STAG1: variants seen among roughly 807,000 people sequenced by gnomAD.
STAG1 encodes STAG1 cohesin complex component, also known as cohesin subunit SA-1.
In STAG1, 26 loss-of-function variants were observed where a neutral mutation model predicts 170.9. The ratio of observed to expected loss-of-function variants is 0.15; its 90% CI spans 0.11 to 0.21. The LOEUF (loss-of-function observed/expected upper bound fraction) is 0.21. Among genes scored for constraint, STAG1 ranks in the 10% least tolerant of loss-of-function variants. The pLI is 1.00. For missense variants in STAG1, 964 were observed against 1,509.5 expected (o/e 0.64, Z 5.99); for synonymous variants, 514 against 497.7 (o/e 1.03, Z -0.44).
intron 12 of STAG1, among the ~76,000 whole-genome samples, chr3:136,469,550 C>T (rs1186427684): frequency 6.6e-6 from 1 of 152,180 alleles, no homozygotes; most frequent in Non-Finnish European, 1.5e-5. Context: ...GTGAAAATGG[C>T]CATACTGCCC....
chr3:136,633,709 AAGGG>A (rs1940424465), intron 1 of STAG1, among the ~76,000 whole-genome samples: 2 of 42,458 alleles, frequency 4.7e-5, no homozygotes, highest in Non-Finnish European at 9.5e-5. Flanking sequence ...ATCAAAAAAA[AAGGG>A]GGGGGGGGGG....
At chr3:136,396,442 C>T (rs894151259) in intron 22 of STAG1, among the ~76,000 whole-genome samples, 2 of 140,998 alleles carry the variant, frequency 1.4e-5, no homozygotes, top group Admixed American at 7.4e-5. Flanking sequence ...AGGATGGTCT[C>T]GATCTCCTGA....
rs961163396 is a variant in STAG1, at chr3:136,424,052, G to A, written c.1651-1008C>T. ...CTAATTTTTGTATTTTTGTAGAGATGGGGTTTCACCACGTTGACGAGGCTG... is the reference window on the plus strand; with the variant it reads ...CTAATTTTTGTATTTTTGTAGAGATAGGGTTTCACCACGTTGACGAGGCTG... On this transcript the variant is annotated intron_variant, in intron 16 of 33. Transcript: ENST00000383202. Among the ~76,000 whole-genome samples, 7 of 151,910 alleles carry A rather than the reference G, an allele frequency of 4.6e-5. No homozygotes were observed. In the South Asian group the frequency reaches 6.2e-4, roughly 14 times the overall value.
At chr3:136,459,968 C>A (rs1252427832) in intron 13 of STAG1, among the ~76,000 whole-genome samples, 1 of 151,720 alleles carries the variant, frequency 6.6e-6, no homozygotes, top group Admixed American at 6.6e-5. Flanking sequence ...CACACAAAAA[C>A]AACAACAACA....
At chr3:136,495,803 C>T (rs1034581946) in intron 9 of STAG1, among the ~76,000 whole-genome samples, 2 of 151,540 alleles carry the variant, frequency 1.3e-5, no homozygotes, top group Admixed American at 1.3e-4. Flanking sequence ...CCCATCTCTA[C>T]TAAAAATACA....
intron 1 of STAG1, among the ~76,000 whole-genome samples, chr3:136,738,302 C>A (rs2107947859): frequency 6.6e-6 from 1 of 151,890 alleles, no homozygotes; most frequent in South Asian, 2.1e-4. Context: ...ACCAGCCTGG[C>A]CAACATGGTG....
intron 28 of STAG1, among the ~76,000 whole-genome samples, chr3:136,353,853 C>T (rs1936527453): frequency 6.6e-6 from 1 of 152,206 alleles, no homozygotes; most frequent in Non-Finnish European, 1.5e-5. Context: ...TACATATTTA[C>T]TTATCCCTTC....
At chr3:136,668,604 G>A (rs1287428911) in intron 1 of STAG1, among the ~76,000 whole-genome samples, 1 of 151,954 alleles carries the variant, frequency 6.6e-6, no homozygotes, top group Non-Finnish European at 1.5e-5. Context: ...AACTGTGAAA[G>A]CAGAGGAGGA....
At chr3:136,644,587 G>C (rs1940929227) in intron 1 of STAG1, among the ~76,000 whole-genome samples, 1 of 152,160 alleles carries the variant, frequency 6.6e-6, no homozygotes, top group Non-Finnish European at 1.5e-5. Context: ...TATTGATGTA[G>C]GTTAGTATAG....
At chr3:136,520,704 T>G (rs983306423) in intron 7 of STAG1, among the ~76,000 whole-genome samples, 20 of 152,104 alleles carry the variant, frequency 1.3e-4, no homozygotes, top group African/African-American at 4.8e-4. Context: ...CCTTAAGAAC[T>G]GACTTTAAAG....
At chr3:136,734,388 C>T (rs1317968603) in intron 1 of STAG1, among the ~76,000 whole-genome samples, 2 of 152,162 alleles carry the variant, frequency 1.3e-5, no homozygotes, top group Admixed American at 6.5e-5. Context: ...ACAGTAGTGT[C>T]TCAAACTACC....
chr3:136,445,045 A>T (rs1424334042), intron 14 of STAG1, among the ~76,000 whole-genome samples: 14 of 139,444 alleles, frequency 1.0e-4, no homozygotes, highest in Middle Eastern at 3.8e-3. Flanking sequence ...TTTTTTGTAG[A>T]GACGGGGTTA....
At chr3:136,572,622 A>AG (rs1393087368) in intron 4 of STAG1, among the ~76,000 whole-genome samples, 5 of 150,620 alleles carry the variant, frequency 3.3e-5, no homozygotes, top group African/African-American at 9.8e-5. Context: ...AAAAAAAAAA[A>AG]GTAAGCAAGT....
chr3:136,719,657 G>GGGTGGGTA (rs1228094865), intron 1 of STAG1, among the ~76,000 whole-genome samples: 3 of 111,804 alleles, frequency 2.7e-5, no homozygotes, highest in Non-Finnish European at 3.8e-5. Flanking sequence ...GTAGGTGGGT[G>GGGTGGGTA]GGTGGGTAGG....
chr3:136,488,307 G>A (rs1300451376), intron 9 of STAG1, among the ~76,000 whole-genome samples: 1 of 152,138 alleles, frequency 6.6e-6, no homozygotes, highest in East Asian at 1.9e-4. Flanking sequence ...ATTTTTAGTA[G>A]AAACAGGGTT....
intron 4 of STAG1, among the ~76,000 whole-genome samples, chr3:136,580,221 C>T (rs184747276): frequency 6.6e-6 from 1 of 152,000 alleles, no homozygotes; most frequent in East Asian, 1.9e-4. Context: ...CCTGCCTTGG[C>T]CTCCCAAAGT....
chr3:136,405,258 T>TTTTTTTTTTTTTTTTTTTTTC (rs1560091864), intron 21 of STAG1, among the ~76,000 whole-genome samples: 1 of 115,616 alleles, frequency 8.6e-6, no homozygotes, highest in African/African-American at 3.4e-5. Flanking sequence ...TTTTTTTTTT[T>TTTTTTTTTTTTTTTTTTTTTC]TCAGACGAAG....
At chr3:136,614,388 A>G (rs569189309) in intron 3 of STAG1, among the ~76,000 whole-genome samples, 1 of 152,338 alleles carries the variant, frequency 6.6e-6, no homozygotes, top group Admixed American at 6.5e-5. Flanking sequence ...TACAGAAATT[A>G]GAGTTCATTA....
intron 5 of STAG1, among the ~76,000 whole-genome samples, chr3:136,555,588 T>G (rs936853157): frequency 4.0e-5 from 6 of 151,834 alleles, no homozygotes; most frequent in Non-Finnish European, 7.4e-5. Flanking sequence ...GAGGCTGAGG[T>G]AGTAGAATCC....
Sources: allele counts gnomAD v4.1 joint callset (sites outside exome capture counted in the v4.1 genomes callset), GRCh38; gene constraint gnomAD v4.1.1; transcripts MANE v1.5; gene names NCBI Gene and HGNC (gene_info 2026-07-23, HGNC 2026-07-21).